GPC6: variants seen among roughly 807,000 people sequenced by gnomAD.
The protein encoded by GPC6 is glypican 6, also known as glypican-6.
Under a neutral mutation model 55.2 loss-of-function variants are expected in GPC6, and 14 were observed. That is an observed-to-expected ratio of 0.25 (90% confidence interval 0.17 to 0.40). GPC6 has a LOEUF of 0.40. Ranked by LOEUF, GPC6 falls within the 10% of genes least tolerant of loss-of-function variation. The pLI is 1.00. For synonymous variants in GPC6, 278 were observed against 259.6 expected, an observed-to-expected ratio of 1.07 and a Z score of -0.68; for missense variants, 641 against 708.5, an observed-to-expected ratio of 0.90 and a Z score of 1.08.
At chr13:93,708,718 C>T (rs1275051882) in intron 2 of GPC6, among the ~76,000 whole-genome samples, 8 of 151,818 alleles carry the variant, frequency 5.3e-5, no homozygotes, top group Admixed American at 1.3e-4. Context: ...AGATATTTAA[C>T]ATGAGTTCAA....
intron 2 of GPC6, among the ~76,000 whole-genome samples, chr13:93,549,358 T>C (rs1233982836): frequency 6.6e-6 from 1 of 152,172 alleles, no homozygotes; most frequent in African/African-American, 2.4e-5. Context: ...TGTGTCTAAG[T>C]CCTCTTTTGC....
chr13:93,613,529 AAAC>A lies in GPC6; in HGVS notation c.319+68110_319+68112del, dbSNP rs1555316565. Among the ~76,000 whole-genome samples, 161 of 128,536 alleles carry A rather than the reference AAAC, an allele frequency of 1.3e-3. No homozygotes were observed. In the East Asian group the frequency reaches 0.019, roughly 15 times the overall value. 84.3% of individuals were successfully genotyped at this position (128,536 alleles called of 152,430 possible). A position where few individuals can be genotyped will look rare whatever the true frequency, so the allele number is the denominator to read the frequency against. Reference sequence around the variant, plus strand: ...AAGCAAACACACACACACACACACAAAACACACACACACACACACACACACACA... The same window carrying A: ...AAGCAAACACACACACACACACACAAACACACACACACACACACACACACA... On this transcript the variant is annotated intron_variant, in intron 2 of 8. Transcript: ENST00000377047.
intron 1 of GPC6, among the ~76,000 whole-genome samples, chr13:93,232,389 C>G (rs182524878): frequency 1.3e-3 from 198 of 152,212 alleles, no homozygotes; most frequent in Non-Finnish European, 2.3e-3. Context: ...CTAAAAGAAT[C>G]ACATTAATTC....
At chr13:94,162,942 G>A (rs546843530) in intron 4 of GPC6, among the ~76,000 whole-genome samples, 40 of 152,194 alleles carry the variant, frequency 2.6e-4, no homozygotes, top group East Asian at 7.7e-4. Flanking sequence ...GACCAGAGTC[G>A]TCCAAGAAAT....
chr13:93,630,338 C>A (rs561907719), intron 2 of GPC6, among the ~76,000 whole-genome samples: 2 of 152,284 alleles, frequency 1.3e-5, no homozygotes, highest in Non-Finnish European at 2.9e-5. Flanking sequence ...CTAGCCTTGT[C>A]CAACTTCTAC....
At chr13:93,272,466 A>G (rs1877563733) in intron 1 of GPC6, among the ~76,000 whole-genome samples, 1 of 146,162 alleles carries the variant, frequency 6.8e-6, no homozygotes. Context: ...AGGAAATTGA[A>G]GAATGAGGTG....
chr13:93,789,182 CTTT>C (rs1664716017), intron 2 of GPC6, among the ~76,000 whole-genome samples: 1 of 152,036 alleles, frequency 6.6e-6, no homozygotes, highest in African/African-American at 2.4e-5. Flanking sequence ...TGCTTCGTCT[CTTT>C]TATTTGAAAT....
chr13:94,359,616 A>C (rs900487656), intron 6 of GPC6, among the ~76,000 whole-genome samples: 3 of 152,182 alleles, frequency 2.0e-5, no homozygotes, highest in African/African-American at 7.2e-5. Context: ...CTAACTTGAC[A>C]CAAATCATTC....
chr13:93,678,925 A>G (rs879010007), intron 2 of GPC6, among the ~76,000 whole-genome samples: 1 of 152,134 alleles, frequency 6.6e-6, no homozygotes, highest in Admixed American at 6.6e-5. Context: ...TTTCAGTATG[A>G]GCATCTCTAC....
intron 1 of GPC6, among the ~76,000 whole-genome samples, chr13:93,419,608 C>T (rs1876848687): frequency 6.6e-6 from 1 of 152,080 alleles, no homozygotes; most frequent in South Asian, 2.1e-4. Context: ...TGCCTTTCAA[C>T]CGATAATACA....
At chr13:93,437,963 T>G (rs1016261389) in intron 1 of GPC6, among the ~76,000 whole-genome samples, 7 of 152,146 alleles carry the variant, frequency 4.6e-5, no homozygotes, top group Non-Finnish European at 8.8e-5. Flanking sequence ...AGGCCAGTGA[T>G]CATTTACCAT....
chr13:93,657,774 A>G (rs1029275331), intron 2 of GPC6, among the ~76,000 whole-genome samples: 1 of 151,998 alleles, frequency 6.6e-6, no homozygotes, highest in African/African-American at 2.4e-5. Context: ...AAACAACCCC[A>G]TTAAAAAAAT....
At chr13:93,574,446 A>G (rs1172987470) in intron 2 of GPC6, among the ~76,000 whole-genome samples, 2 of 152,030 alleles carry the variant, frequency 1.3e-5, no homozygotes, top group Non-Finnish European at 1.5e-5. Context: ...TTCTTTACAT[A>G]TTTTGGAGGG....
intron 1 of GPC6, among the ~76,000 whole-genome samples, chr13:93,334,514 G>A (rs1398772991): frequency 6.6e-6 from 1 of 152,108 alleles, no homozygotes; most frequent in Non-Finnish European, 1.5e-5. Flanking sequence ...CCAGACTGGA[G>A]TGCAGTGGTA....
intron 3 of GPC6, among the ~76,000 whole-genome samples, chr13:93,962,833 A>C (rs1230064621): frequency 1.3e-5 from 2 of 152,204 alleles, no homozygotes; most frequent in Non-Finnish European, 2.9e-5. Flanking sequence ...AAGCACACAC[A>C]GTGGTGTCTG....
rs931441358 is a variant in GPC6, at chr13:93,512,818, A to T, written c.161-32445A>T. On this transcript the variant is annotated intron_variant, in intron 1 of 8. Transcript: ENST00000377047. ...TGTTTCAAAAATTGGCATTATCTAG[A>T]TATTAAACAATAATATGCTAAAAGG... 7.9e-5 allele frequency among the ~76,000 whole-genome samples: 12 copies of T among 152,264 alleles called. No homozygotes were observed. The East Asian group carries it at 2.3e-3, about 29-fold the overall frequency.
At chr13:93,726,895 A>G (rs939059026) in intron 2 of GPC6, among the ~76,000 whole-genome samples, 5 of 152,060 alleles carry the variant, frequency 3.3e-5, no homozygotes, top group African/African-American at 9.7e-5. Flanking sequence ...GGGATGCCCA[A>G]ATGGACTTGC....
At chr13:94,047,473 C>T (rs9589888) in intron 4 of GPC6, among the ~76,000 whole-genome samples, 4,322 of 151,834 alleles carry the variant, frequency 0.028, 205 homozygotes, top group African/African-American at 0.099. Flanking sequence ...AGTTGCATTC[C>T]CTGATCTTTC....
intron 1 of GPC6, among the ~76,000 whole-genome samples, chr13:93,419,027 A>G (rs984931603): frequency 6.6e-6 from 1 of 150,892 alleles, no homozygotes; most frequent in African/African-American, 2.4e-5. Context: ...ACTATGCCAT[A>G]GTATTATTTT....
Sources: allele counts gnomAD v4.1 joint callset (sites outside exome capture counted in the v4.1 genomes callset), GRCh38; gene constraint gnomAD v4.1.1; transcripts MANE v1.5; gene names NCBI Gene and HGNC (gene_info 2026-07-23, HGNC 2026-07-21).